Variants in SMYD3 observed in about 807,000 individuals in gnomAD.
SMYD3 encodes SET and MYND domain containing 3, also known as histone-lysine N-methyltransferase SMYD3.
SMYD3 carries 36 observed loss-of-function variants against 57.7 expected under a neutral mutation model. The ratio of observed to expected loss-of-function variants is 0.62; its 90% CI spans 0.48 to 0.82. The LOEUF is 0.82. Ranked by LOEUF, SMYD3 falls within the 40% of genes least tolerant of loss-of-function variation. The probability of loss-of-function intolerance (pLI) is 0.00; values close to 1 mark genes in which losing one functional copy is unlikely to be tolerated. For missense variants in SMYD3, 515 were observed against 538.8 expected (o/e 0.96, Z 0.44); for synonymous variants, 211 against 195.0 (o/e 1.08, Z -0.68).
chr1:246,494,775 AT>A (rs1215961572), intron 1 of SMYD3, among the ~76,000 whole-genome samples: 1 of 152,250 alleles, frequency 6.6e-6, no homozygotes, highest in Non-Finnish European at 1.5e-5. Flanking sequence ...AACATCTATC[AT>A]AACCATGCCA....
At chr1:245,971,465 G>T (rs1421243688) in intron 5 of SMYD3, among the ~76,000 whole-genome samples, 1 of 151,850 alleles carries the variant, frequency 6.6e-6, no homozygotes, top group Non-Finnish European at 1.5e-5. Flanking sequence ...AAATCAATGT[G>T]TCATTTGAGT....
At chr1:246,348,060 T>TTA (rs200573424) in intron 2 of SMYD3, among the ~76,000 whole-genome samples, 4,181 of 83,060 alleles carry the variant, frequency 0.05, 704 homozygotes, top group Non-Finnish European at 0.073. Flanking sequence ...AAAGAAAACG[T>TTA]TATATATATA....
At chr1:245,749,717 C>A in intron 11 of SMYD3, 53 bp from the exon 12 acceptor site, 1 of 1,398,674 alleles carries the variant, frequency 7.1e-7, no homozygotes, top group Non-Finnish European at 1.0e-6. Context: ...TGAGCTCAGG[C>A]CATTCCCCAC....
intron 8 of SMYD3, among the ~76,000 whole-genome samples, chr1:245,913,368 G>T (rs1193776915): frequency 6.7e-6 from 1 of 150,200 alleles, no homozygotes; most frequent in Non-Finnish European, 1.5e-5. Flanking sequence ...GTTGTGGTGT[G>T]GGGGGAGGGG....
intron 5 of SMYD3, among the ~76,000 whole-genome samples, chr1:246,266,845 G>C (rs1322492592): frequency 1.3e-5 from 2 of 151,954 alleles, no homozygotes; most frequent in African/African-American, 4.8e-5. Flanking sequence ...AGTAATGACA[G>C]AGAAAATACT....
At chr1:245,968,904 C>T (rs1481485187) in intron 5 of SMYD3, among the ~76,000 whole-genome samples, 1 of 152,162 alleles carries the variant, frequency 6.6e-6, no homozygotes, top group Non-Finnish European at 1.5e-5. Flanking sequence ...TGCCTCCGTA[C>T]ACTGTTAAGG....
At chr1:245,996,802 C>G (rs1446244231) in intron 5 of SMYD3, among the ~76,000 whole-genome samples, 1 of 151,520 alleles carries the variant, frequency 6.6e-6, no homozygotes. Flanking sequence ...ACAGAAAGTT[C>G]AAAGCCTATG....
intron 1 of SMYD3, among the ~76,000 whole-genome samples, chr1:246,395,896 G>A (rs1247089002): frequency 6.6e-6 from 1 of 152,154 alleles, no homozygotes; most frequent in Non-Finnish European, 1.5e-5. Context: ...TAGTGAATAA[G>A]AACAAGAAAA....
At chr1:246,436,900 CTTTTT>C (rs61263648) in intron 1 of SMYD3, among the ~76,000 whole-genome samples, 4 of 128,434 alleles carry the variant, frequency 3.1e-5, no homozygotes, top group African/African-American at 8.7e-5. Context: ...GAGTTTCTTT[CTTTTT>C]TTTTTTTTTT....
At position 246,052,544 on chromosome 1, in the gene SMYD3, C is replaced by T. The variant is rs2060082004; in HGVS notation, c.532-122607G>A. 4 of 152,198 alleles carry T rather than the reference C, an allele frequency of 2.6e-5. No homozygotes were observed. In the South Asian group the frequency reaches 8.3e-4, roughly 32 times the overall value. The allele number at this position is 152,198 out of a possible 1,614,324, so 9.4% of individuals were successfully genotyped here. ...GTGAATTAAAGACGAATCTATTCAT[C>T]CACAGATACATCTATCCACTCATAC... On this transcript the variant is annotated intron_variant, in intron 5 of 11. Coordinates refer to ENST00000490107, the MANE Select transcript of SMYD3 (RefSeq NM_001167740.2).
intron 1 of SMYD3, among the ~76,000 whole-genome samples, chr1:246,387,271 G>A (rs1319688114): frequency 6.6e-6 from 1 of 152,160 alleles, no homozygotes; most frequent in East Asian, 1.9e-4. Flanking sequence ...AATATTTAGA[G>A]GACAACTTAG....
At chr1:245,867,006 T>C (rs947184215) in intron 8 of SMYD3, among the ~76,000 whole-genome samples, 2 of 152,250 alleles carry the variant, frequency 1.3e-5, no homozygotes, top group African/African-American at 4.8e-5. Context: ...TCCCCAAAGA[T>C]GTCCACATCC....
intron 5 of SMYD3, among the ~76,000 whole-genome samples, chr1:246,036,927 A>C (rs2059786075): frequency 6.6e-6 from 1 of 151,966 alleles, no homozygotes; most frequent in South Asian, 2.1e-4. Flanking sequence ...CTGTACTCTT[A>C]ATGGCATAAC....
At chr1:245,756,909 C>A (rs1298801802) in intron 11 of SMYD3, among the ~76,000 whole-genome samples, 2 of 151,648 alleles carry the variant, frequency 1.3e-5, no homozygotes, top group Non-Finnish European at 2.9e-5. Flanking sequence ...CTTAAATCTA[C>A]AGGTTTATGT....
intron 11 of SMYD3, among the ~76,000 whole-genome samples, chr1:245,758,284 G>GGT (rs2045694657): frequency 6.6e-6 from 1 of 151,744 alleles, no homozygotes; most frequent in Non-Finnish European, 1.5e-5. Flanking sequence ...AACATTTTTT[G>GGT]GTGTGTGTGT....
At chr1:246,345,365 A>G (rs150726075) in intron 2 of SMYD3, among the ~76,000 whole-genome samples, 4 of 152,306 alleles carry the variant, frequency 2.6e-5, no homozygotes, top group Non-Finnish European at 4.4e-5. Context: ...AACTGGCCAT[A>G]TATGTGTAGG....
chr1:246,105,356 GTCA>G (rs71818092), intron 5 of SMYD3, among the ~76,000 whole-genome samples: 8,258 of 151,992 alleles, frequency 0.054, 566 homozygotes, highest in East Asian at 0.25. Context: ...GAGGATTAGG[GTCA>G]TGTTTTATTT....
At chr1:246,204,591 A>G (rs2062969726) in intron 5 of SMYD3, among the ~76,000 whole-genome samples, 1 of 152,222 alleles carries the variant, frequency 6.6e-6, no homozygotes, top group South Asian at 2.1e-4. Flanking sequence ...TATTTGCTTC[A>G]CTGGTTTAGC....
At chr1:246,039,018 C>T (rs2059824536) in intron 5 of SMYD3, among the ~76,000 whole-genome samples, 1 of 152,210 alleles carries the variant, frequency 6.6e-6, no homozygotes, top group African/African-American at 2.4e-5. Context: ...GTTCAAGTCT[C>T]TACCAGAGTT....
Sources: allele counts gnomAD v4.1 joint callset (sites outside exome capture counted in the v4.1 genomes callset), GRCh38; gene constraint gnomAD v4.1.1; transcripts MANE v1.5; gene names NCBI Gene and HGNC (gene_info 2026-07-23, HGNC 2026-07-21).